NTM: variants seen among roughly 807,000 people sequenced by gnomAD.
NTM encodes the protein IgLON family member 2.
NTM carries 13 observed loss-of-function variants against 42.1 expected under a neutral mutation model. The ratio of observed to expected loss-of-function variants is 0.31; its 90% CI spans 0.20 to 0.49. NTM has a LOEUF of 0.49. NTM is among the 20% of genes least tolerant of loss of function. The probability of loss-of-function intolerance (pLI) is 0.99; values close to 1 mark genes in which losing one functional copy is unlikely to be tolerated. For synonymous variants in NTM, 187 were observed against 179.2 expected, an observed-to-expected ratio of 1.04 and a Z score of -0.35; for missense variants, 373 against 452.8, an observed-to-expected ratio of 0.82 and a Z score of 1.60.
chr11:131,374,912 T>A (rs1391536041), intron 1 of NTM, among the ~76,000 whole-genome samples: 1 of 152,180 alleles, frequency 6.6e-6, no homozygotes, highest in Non-Finnish European at 1.5e-5. Flanking sequence ...GATGAACAGG[T>A]CTGTGATTTG....
At chr11:131,863,698 A>T (rs1038925170) in intron 1 of NTM, among the ~76,000 whole-genome samples, 2 of 152,220 alleles carry the variant, frequency 1.3e-5, no homozygotes, top group Admixed American at 6.5e-5. Flanking sequence ...GATATGGAGA[A>T]ACATGAGCAC....
chr11:131,925,235 T>G (rs1258716361), intron 2 of NTM, among the ~76,000 whole-genome samples: 1 of 152,176 alleles, frequency 6.6e-6, no homozygotes, highest in African/African-American at 2.4e-5. Context: ...GTTTAACCTT[T>G]TGTGCCAGAA....
intron 4 of NTM, among the ~76,000 whole-genome samples, chr11:132,257,239 T>C (rs547822652): frequency 3.3e-5 from 5 of 152,316 alleles, no homozygotes; most frequent in African/African-American, 1.2e-4. Flanking sequence ...GGAGAATCTT[T>C]CATTCTGAGA....
chr11:131,436,372 T>A (rs1444810321), intron 1 of NTM, among the ~76,000 whole-genome samples: 2 of 152,198 alleles, frequency 1.3e-5, no homozygotes, highest in Non-Finnish European at 2.9e-5. Context: ...CAGCTCCTTT[T>A]TGTACCTCCG....
intron 1 of NTM, among the ~76,000 whole-genome samples, chr11:131,585,225 G>A (rs776439512): frequency 6.6e-6 from 1 of 152,138 alleles, no homozygotes; most frequent in Non-Finnish European, 1.5e-5. Context: ...ATTCCGGAGG[G>A]GTTTTTCCCC....
chr11:131,914,499 C>T (rs576610627), intron 2 of NTM, among the ~76,000 whole-genome samples: 27 of 152,164 alleles, frequency 1.8e-4, no homozygotes, highest in South Asian at 4.1e-4. Flanking sequence ...GCTCTAATTT[C>T]ATTTTATTCT....
At chr11:131,626,579 G>A (rs189503441) in intron 1 of NTM, among the ~76,000 whole-genome samples, 90 of 152,278 alleles carry the variant, frequency 5.9e-4, no homozygotes, top group Middle Eastern at 3.4e-3. Flanking sequence ...AACTCCTCAC[G>A]TGTAAAGCAA....
intron 3 of NTM, among the ~76,000 whole-genome samples, chr11:132,182,675 G>T (rs1357528019): frequency 1.3e-5 from 2 of 152,226 alleles, no homozygotes; most frequent in African/African-American, 4.8e-5. Flanking sequence ...TCTTGAGGAT[G>T]CAGTCTGCAT....
At chr11:132,247,479 C>T (rs1468743838) in intron 4 of NTM, among the ~76,000 whole-genome samples, 1 of 152,130 alleles carries the variant, frequency 6.6e-6, no homozygotes, top group Middle Eastern at 3.2e-3. Context: ...GATACTTTTG[C>T]TTCCCTTCTC....
chr11:131,718,377 C>CA (rs2077951509), intron 1 of NTM, among the ~76,000 whole-genome samples: 1 of 152,178 alleles, frequency 6.6e-6, no homozygotes, highest in African/African-American at 2.4e-5. Flanking sequence ...TCTACAAATT[C>CA]AATGTGTTTT....
At chr11:131,569,573 T>TC (rs2057250882) in intron 1 of NTM, among the ~76,000 whole-genome samples, 2 of 138,416 alleles carry the variant, frequency 1.4e-5, no homozygotes, top group African/African-American at 6.2e-5. Context: ...TTTTCTTCTC[T>TC]CTTTTTTTTT....
At chr11:132,218,983 T>G (rs1449434) in intron 4 of NTM, among the ~76,000 whole-genome samples, 54,152 of 151,984 alleles carry the variant, frequency 0.36, 10,297 homozygotes, top group Middle Eastern at 0.54. Flanking sequence ...GATGTGCTTC[T>G]TTATTAATTT....
chr11:131,910,823 C>T (rs988041253), intron 1 of NTM: 2 of 984,562 alleles, frequency 2.0e-6, no homozygotes, highest in South Asian at 4.7e-5. Context: ...CAGCGGCGGC[C>T]GCAGCGCGCA....
At chr11:131,614,889 G>T (rs141926890) in intron 1 of NTM, among the ~76,000 whole-genome samples, 93 of 152,312 alleles carry the variant, frequency 6.1e-4, no homozygotes, top group Non-Finnish European at 7.3e-5. Flanking sequence ...GGCCCTGCCC[G>T]CCTGGCTTTG....
At chr11:131,660,203 C>A in intron 1 of NTM, 1 of 278,346 alleles carries the variant, frequency 3.6e-6, no homozygotes, top group Non-Finnish European at 7.4e-6. Flanking sequence ...GGCCAGTTTG[C>A]ATCATGTATT....
rs1945358612 is a variant in NTM at position 131,402,527 on chromosome 11, G to A, written c.82+31639G>A. ...AAAAAAAGGAGTCACACAGAAGATGGACCACATTAATGGGGCCTATAGGAA... is the reference window on the plus strand; with the variant it reads ...AAAAAAAGGAGTCACACAGAAGATGAACCACATTAATGGGGCCTATAGGAA... On this transcript the variant is annotated intron_variant, in intron 1 of 8. Coordinates refer to ENST00000683400, the MANE Select transcript of NTM (RefSeq NM_001352005.2). Among the ~76,000 whole-genome samples the A allele has an allele frequency of 2.0e-5, 3 of 152,038 alleles. 1 individual carries two copies. Among genetic ancestry groups the A allele is most frequent in the Admixed American group, 2.0e-4 (3 of 15,246 alleles).
At chr11:131,759,099 A>G (rs968479977) in intron 1 of NTM, among the ~76,000 whole-genome samples, 2 of 152,196 alleles carry the variant, frequency 1.3e-5, no homozygotes, top group African/African-American at 2.4e-5. Context: ...AAATTCTTTG[A>G]AAACCTTCAC....
At chr11:131,824,705 T>C (rs2041923874) in intron 1 of NTM, among the ~76,000 whole-genome samples, 1 of 152,168 alleles carries the variant, frequency 6.6e-6, no homozygotes, top group African/African-American at 2.4e-5. Context: ...CTGAAACATG[T>C]TGAATAGTGA....
At chr11:132,295,844 TATTTTGGCAATA>T (rs2094590578) in intron 4 of NTM, among the ~76,000 whole-genome samples, 1 of 152,150 alleles carries the variant, frequency 6.6e-6, no homozygotes, top group African/African-American at 2.4e-5. Flanking sequence ...TTTTGGCAAT[TATTTTGGCAATA>T]AAGAAAAGAA....
Sources: allele counts gnomAD v4.1 joint callset (sites outside exome capture counted in the v4.1 genomes callset), GRCh38; gene constraint gnomAD v4.1.1; transcripts MANE v1.5; gene names NCBI Gene and HGNC (gene_info 2026-07-23, HGNC 2026-07-21).